IFT122: variants seen among roughly 807,000 people sequenced by gnomAD.
IFT122 encodes intraflagellar transport protein 122 homolog.
Under a neutral mutation model 161.6 loss-of-function variants are expected in IFT122, and 118 were observed. The ratio of observed to expected loss-of-function variants is 0.73; its 90% CI spans 0.63 to 0.85. IFT122 has a LOEUF of 0.85. Ranked by LOEUF, IFT122 falls within the 40% of genes least tolerant of loss-of-function variation. The probability of loss-of-function intolerance (pLI) is 0.00; values close to 1 mark genes in which losing one functional copy is unlikely to be tolerated. For synonymous variants in IFT122, 550 were observed against 602.4 expected, an observed-to-expected ratio of 0.91 and a Z score of 1.27; for missense variants, 1,381 against 1,579.6, an observed-to-expected ratio of 0.87 and a Z score of 2.13.
At chr3:129,449,761 C>T in intron 1 of IFT122, 110 bp from the exon 2 acceptor site, 1 of 799,506 alleles carries the variant, frequency 1.3e-6, no homozygotes. Context: ...TCTTTTTCTC[C>T]TCAGTACACA....
chr3:129,509,043 G>C (rs1402490298), intron 23 of IFT122, among the ~76,000 whole-genome samples: 1 of 152,126 alleles, frequency 6.6e-6, no homozygotes, highest in Non-Finnish European at 1.5e-5. Flanking sequence ...TTTGGTGCAA[G>C]TTTGGCTTTG....
In IFT122 at chr3:129,458,582, T is replaced by C. The variant is rs1368477775; in HGVS notation, c.194-17T>C. 1.9e-6 allele frequency: 3 copies of C among 1,610,120 alleles called. No individual in the cohort carries two copies. The highest frequency in any genetic ancestry group is 2.5e-6 in the Non-Finnish European group (3 of 1,176,490). On this transcript the variant is annotated splice_polypyrimidine_tract_variant and intron_variant, in intron 3 of 29. Coordinates refer to ENST00000348417, the MANE Select transcript of IFT122 (RefSeq NM_052989.3). ...TTAAGATAAATGTAAGACTTTCCAT[T>C]TTACAAACACTTTTAGGCAAGCGCT...
chr3:129,500,115 A>T, intron 19 of IFT122, 47 bp downstream of exon 19: 1 of 1,599,324 alleles, frequency 6.3e-7, no homozygotes, highest in Non-Finnish European at 8.6e-7. Flanking sequence ...GCATGTCATC[A>T]CATGTCACCT....
rs1577081326 is a variant in IFT122, at chr3:129,440,320, G to A, written c.-11G>A. The A allele has an allele frequency of 1.3e-6, 2 of 1,550,800 alleles. No individual in the cohort carries two copies. The highest frequency in any genetic ancestry group is 1.7e-6 in the Non-Finnish European group (2 of 1,146,856). ...CGGGTAGGAGGAGCCCGAGCCGTAA[G>A]GGAAGCCGTGATGAGGGCCGTGTTG... On this transcript the variant is annotated 5_prime_UTR_variant, in exon 1 of 30. Transcript: ENST00000348417.
chr3:129,500,188 A>G (rs2081360984), intron 19 of IFT122, 120 bp downstream of exon 19: 3 of 1,186,532 alleles, frequency 2.5e-6, no homozygotes, highest in Non-Finnish European at 3.7e-6. Context: ...GATAGTGGCT[A>G]GGTTCTTCAG....
In IFT122 at chr3:129,488,283, T is replaced by G. The variant is rs1299683890; in HGVS notation, c.1878T>G (p.Asp626Glu). The part of the protein sequence containing the change: ...PQSAPMYQYL[D>E]RKLFKEAYQI... ...CCGCTCCCATGTACCAGTACCTGGA[T>G]AGGAAACTGTTCAAGGAAGCCTACC... Residue 626 changes from aspartate to glutamate, a missense_variant, in exon 16 of 30, where the codon GAT becomes GAG. This residue lies in a region of IFT122 where 544 missense variants were observed against 648.0 expected (regional missense o/e 0.84). Transcript: ENST00000348417. The G allele has an allele frequency of 3.7e-6, 6 of 1,614,056 alleles. No individual in the cohort carries two copies. The Admixed American group carries it at 6.7e-5, about 18-fold the overall frequency.
At chr3:129,502,629 G>A (rs747895686) in intron 19 of IFT122, 82 bp from the exon 20 acceptor site, 6 of 1,507,934 alleles carry the variant, frequency 4.0e-6, no homozygotes, top group African/African-American at 1.4e-5. Context: ...ATCAACACTG[G>A]GGACCACAGA....
rs528813480 is a variant in IFT122 at position 129,457,979 on chromosome 3, C to T, written c.194-620C>T. 30 of 156,242 alleles carry T rather than the reference C, an allele frequency of 1.9e-4. 1 individual carries two copies. In the South Asian group the frequency reaches 5.5e-3, roughly 28 times the overall value. The allele number at this position is 156,242 out of a possible 1,614,324, so 9.7% of individuals were successfully genotyped here. ...GGTCTCGATCTCCTGACCTCGTGATCCACCCGCCTCAGCCCTCCAAAGTGC... is the reference window on the plus strand; with the variant it reads ...GGTCTCGATCTCCTGACCTCGTGATTCACCCGCCTCAGCCCTCCAAAGTGC... On this transcript the variant is annotated intron_variant, in intron 3 of 29. Coordinates refer to ENST00000348417, the MANE Select transcript of IFT122 (RefSeq NM_052989.3).
At chr3:129,480,043 G>T in intron 13 of IFT122, 121 bp downstream of exon 13, 1 of 1,240,724 alleles carries the variant, frequency 8.1e-7, no homozygotes, top group Non-Finnish European at 1.2e-6. Context: ...TCCTCCATGG[G>T]TGAATTGTGG....
intron 20 of IFT122, 52 bp from the exon 21 acceptor site, chr3:129,504,267 A>G (rs377161382): frequency 1.4e-6 from 2 of 1,436,254 alleles, no homozygotes; most frequent in Non-Finnish European, 2.0e-6. Context: ...CAGTGTTTTC[A>G]TGGGGGCTGC....
rs1442812714 is a variant in IFT122 at position 129,467,129 on chromosome 3, C to T, written c.740+63C>T. ...GGGCCCAGGCCCCACACAGACTTGC[C>T]AGGACAGATGTTAAACTCTTTGGCC... On this transcript the variant is annotated intron_variant, in intron 8 of 29. Transcript: ENST00000348417. The T allele has an allele frequency of 9.3e-6, 14 of 1,502,136 alleles. No homozygotes were observed. The East Asian group carries it at 2.8e-4, about 30-fold the overall frequency. The allele number at this position is 1,502,136 out of a possible 1,614,324, so 93.1% of individuals were successfully genotyped here.
chr3:129,445,859 AGTACT>A (rs2073929806), intron 1 of IFT122, among the ~76,000 whole-genome samples: 1 of 152,240 alleles, frequency 6.6e-6, no homozygotes, highest in South Asian at 2.1e-4. Flanking sequence ...AAGAGTTCGA[AGTACT>A]GTCATTGAGA....
intron 23 of IFT122, among the ~76,000 whole-genome samples, chr3:129,511,319 A>C (rs1330350154): frequency 6.6e-6 from 1 of 152,224 alleles, no homozygotes; most frequent in African/African-American, 2.4e-5. Flanking sequence ...GGAGCTAACA[A>C]AAGGTATAGA....
At chr3:129,492,975 G>A (rs370686598) in intron 17 of IFT122, among the ~76,000 whole-genome samples, 2 of 151,692 alleles carry the variant, frequency 1.3e-5, no homozygotes, top group African/African-American at 2.4e-5. Context: ...GTGCCACCCC[G>A]CCTGATTAAT....
At chr3:129,504,290 A>G in intron 20 of IFT122, 29 bp from the exon 21 acceptor site, 1 of 1,573,874 alleles carries the variant, frequency 6.4e-7, no homozygotes. Flanking sequence ...GGGCAGCTTT[A>G]TTAAGACTTC....
intron 1 of IFT122, among the ~76,000 whole-genome samples, chr3:129,445,563 G>C (rs2073894617): frequency 6.6e-6 from 1 of 152,236 alleles, no homozygotes; most frequent in Non-Finnish European, 1.5e-5. Context: ...GTTAGTCACT[G>C]TTATTAAAGT....
In IFT122 at chr3:129,486,910, C is replaced by T. The variant is rs557308771; in HGVS notation, c.1852-1347C>T. ...TGCTCCGTAGCCTATGCCTGCTGCC[C>T]CGCTAAAGGGAGCATTTAATGTGCC... On this transcript the variant is annotated intron_variant, in intron 15 of 29. Transcript: ENST00000348417. 8.5e-5 allele frequency among the ~76,000 whole-genome samples: 13 copies of T among 152,284 alleles called. No individual in the cohort carries two copies. In the South Asian group the frequency reaches 2.7e-3, roughly 32 times the overall value.
chr3:129,515,735 C>G (rs2083412869), intron 26 of IFT122, 136 bp downstream of exon 26: 1 of 774,762 alleles, frequency 1.3e-6, no homozygotes, highest in South Asian at 1.5e-5. Context: ...TGAGGACACT[C>G]TGACGCCCAC....
At chr3:129,506,340 C>G (rs1315861610) in intron 21 of IFT122, 69 bp from the exon 22 acceptor site, 23 of 1,581,570 alleles carry the variant, frequency 1.5e-5, no homozygotes, top group Admixed American at 5.0e-5. Flanking sequence ...CCCCACAGAG[C>G]TCCATCCTGC....
Sources: allele counts gnomAD v4.1 joint callset (sites outside exome capture counted in the v4.1 genomes callset), GRCh38; gene constraint gnomAD v4.1.1; regional missense constraint gnomAD v4.1.1; transcripts MANE v1.5; gene names NCBI Gene and HGNC (gene_info 2026-07-23, HGNC 2026-07-21).